The following NRG1 variants were observed in gnomAD, a reference collection of about 807,000 sequenced individuals.
NRG1 encodes neuregulin 1.
NRG1 carries 18 observed loss-of-function variants against 63.8 expected under a neutral mutation model. The observed-to-expected ratio is 0.28, with a 90% CI of 0.19 to 0.42. The LOEUF (loss-of-function observed/expected upper bound fraction) is 0.42. NRG1 is among the 10% of genes least tolerant of loss of function. The probability of loss-of-function intolerance (pLI) is 1.00; values close to 1 mark genes in which losing one functional copy is unlikely to be tolerated. For missense variants in NRG1, 762 were observed against 814.7 expected, an observed-to-expected ratio of 0.94 and a Z score of 0.79; for synonymous variants, 302 against 301.3, an observed-to-expected ratio of 1.00 and a Z score of -0.02.
At chr8:32,463,942 T>C (rs1822710325) in intron 1 of NRG1, among the ~76,000 whole-genome samples, 1 of 128,374 alleles carries the variant, frequency 7.8e-6, no homozygotes, top group Non-Finnish European at 1.6e-5. Context: ...GTTGCCAGGC[T>C]GGAGTGCAGT....
At chr8:32,480,435 TA>T (rs552285405) in intron 1 of NRG1, among the ~76,000 whole-genome samples, 3,476 of 102,692 alleles carry the variant, frequency 0.034, 73 homozygotes, top group African/African-American at 0.085. Flanking sequence ...CCAAATTGCT[TA>T]AAAAAAAAAA....
intron 1 of NRG1, among the ~76,000 whole-genome samples, chr8:32,587,952 G>A (rs867166221): frequency 5.3e-5 from 8 of 151,280 alleles, no homozygotes; most frequent in Middle Eastern, 6.8e-3. Flanking sequence ...TTTTTGAGAC[G>A]GACTCTTGCC....
At chr8:31,886,215 G>C (rs1262357792) in intron 1 of NRG1, among the ~76,000 whole-genome samples, 1 of 152,056 alleles carries the variant, frequency 6.6e-6, no homozygotes, top group Non-Finnish European at 1.5e-5. Flanking sequence ...TAGCATGGAA[G>C]AATGTTTTAA....
intron 1 of NRG1, among the ~76,000 whole-genome samples, chr8:32,065,359 C>G (rs979159452): frequency 7.2e-5 from 11 of 152,144 alleles, no homozygotes; most frequent in South Asian, 2.1e-4. Flanking sequence ...CCCCCTCCCA[C>G]CACCCCACAA....
intron 1 of NRG1, among the ~76,000 whole-genome samples, chr8:32,250,372 G>A (rs1217954684): frequency 1.3e-5 from 2 of 152,162 alleles, no homozygotes; most frequent in African/African-American, 4.8e-5. Flanking sequence ...GCAAGAACAA[G>A]GTCTACATTA....
At chr8:31,760,428 A>G (rs1044738387) in intron 1 of NRG1, among the ~76,000 whole-genome samples, 1 of 152,188 alleles carries the variant, frequency 6.6e-6, no homozygotes, top group African/African-American at 2.4e-5. Flanking sequence ...AAGCAATGGC[A>G]ACAAAAGCCA....
intron 1 of NRG1, among the ~76,000 whole-genome samples, chr8:31,682,197 A>G (rs2131068482): frequency 6.6e-6 from 1 of 152,274 alleles, no homozygotes; most frequent in African/African-American, 2.4e-5. Flanking sequence ...TATAGTGGCA[A>G]TCATACAGTA....
At chr8:32,156,264 G>T (rs1401892537) in intron 1 of NRG1, among the ~76,000 whole-genome samples, 1 of 152,142 alleles carries the variant, frequency 6.6e-6, no homozygotes, top group Non-Finnish European at 1.5e-5. Context: ...TATTCTTCTG[G>T]TTTTGTACTG....
chr8:31,841,265 C>T (rs1826178712), intron 1 of NRG1, among the ~76,000 whole-genome samples: 1 of 151,992 alleles, frequency 6.6e-6, no homozygotes, highest in Non-Finnish European at 1.5e-5. Context: ...TGGAGAGACA[C>T]AGCAGAAGTG....
At chr8:31,839,434 G>C (rs1825986842) in intron 1 of NRG1, among the ~76,000 whole-genome samples, 1 of 151,928 alleles carries the variant, frequency 6.6e-6, no homozygotes, top group Admixed American at 6.6e-5. Flanking sequence ...TTTTTCAAGG[G>C]AGTAGACCAC....
At chr8:32,662,581 T>A (rs913882191) in intron 5 of NRG1, among the ~76,000 whole-genome samples, 1 of 152,124 alleles carries the variant, frequency 6.6e-6, no homozygotes, top group African/African-American at 2.4e-5. Context: ...AAGATCCCGG[T>A]GGAAATAGTC....
chr8:31,751,742 G>A (rs1166716938), intron 1 of NRG1, among the ~76,000 whole-genome samples: 1 of 151,912 alleles, frequency 6.6e-6, no homozygotes, highest in Non-Finnish European at 1.5e-5. Flanking sequence ...GAGAGATAGA[G>A]AGTTTGGGGA....
downstream of NRG1, among the ~76,000 whole-genome samples, chr8:32,772,624 C>T (rs1831888990): frequency 6.6e-6 from 1 of 152,034 alleles, no homozygotes. Context: ...TTTTGCCTTA[C>T]TGGAGGAGCC....
At position 32,577,719 on chromosome 8, in the gene NRG1, C is replaced by T. The variant is rs556648021; in HGVS notation, c.101-18109C>T. On this transcript the variant is annotated intron_variant, in intron 1 of 11. Coordinates refer to ENST00000356819, the Ensembl canonical transcript of NRG1. ...CTTAACACTTTTTTTTTTTGTTTTT[C>T]GAGACCTTGGTTCTTGAGGACATTT... Among the ~76,000 whole-genome samples, 34 of 148,216 alleles carry T rather than the reference C, an allele frequency of 2.3e-4. No homozygotes were observed. The South Asian group carries it at 5.5e-3, about 24-fold the overall frequency.
At chr8:32,079,148 TACAC>T (rs143380574) in intron 1 of NRG1, among the ~76,000 whole-genome samples, 51 of 145,850 alleles carry the variant, frequency 3.5e-4, no homozygotes, top group Admixed American at 1.1e-3. Context: ...TAGAATGAAA[TACAC>T]ACACACACAC....
At chr8:32,584,155 C>G (rs983843440) in intron 1 of NRG1, among the ~76,000 whole-genome samples, 2 of 152,084 alleles carry the variant, frequency 1.3e-5, no homozygotes, top group South Asian at 4.1e-4. Context: ...GAGGACAGTA[C>G]GGGAAAGTGC....
chr8:32,471,480 T>A (rs1402725417), intron 1 of NRG1, among the ~76,000 whole-genome samples: 2 of 152,244 alleles, frequency 1.3e-5, no homozygotes, highest in Non-Finnish European at 2.9e-5. Context: ...TCAATCATGC[T>A]ACCAAGCAAT....
intron 1 of NRG1, among the ~76,000 whole-genome samples, chr8:31,949,971 C>A (rs1174854551): frequency 6.6e-6 from 1 of 152,210 alleles, no homozygotes; most frequent in East Asian, 1.9e-4. Context: ...CATCCATTAG[C>A]ATGTCTTGGC....
At chr8:31,764,126 T>G (rs1487833893) in intron 1 of NRG1, among the ~76,000 whole-genome samples, 1 of 152,246 alleles carries the variant, frequency 6.6e-6, no homozygotes, top group Middle Eastern at 3.4e-3. Context: ...CTGAGATTAG[T>G]CTTGCCTCTT....
Sources: allele counts gnomAD v4.1 joint callset (sites outside exome capture counted in the v4.1 genomes callset), GRCh38; gene constraint gnomAD v4.1.1; transcripts MANE v1.5; gene names NCBI Gene and HGNC (gene_info 2026-07-23, HGNC 2026-07-21).